Variants in SBF2 observed in about 807,000 individuals in gnomAD.
The protein encoded by SBF2 is myotubularin-related protein 13.
In SBF2, 112 loss-of-function variants were observed where a neutral mutation model predicts 225.2. That is an observed-to-expected ratio of 0.50 (90% confidence interval 0.43 to 0.58). SBF2 has a LOEUF of 0.58. Among genes scored for constraint, SBF2 ranks in the 20% least tolerant of loss-of-function variants. The pLI, the probability that SBF2 is intolerant of heterozygous loss-of-function variation, is 0.00. For missense variants in SBF2, 1,996 were observed against 2,206.2 expected (o/e 0.90, Z 1.91); for synonymous variants, 763 against 773.3 (o/e 0.99, Z 0.22).
rs10500716 is a variant in SBF2, at chr11:10,002,764, A to G, written c.620-75T>C. The G allele has an allele frequency of 0.19, 276,400 of 1,418,034 alleles. 28,331 individuals are homozygous for G. The highest frequency in any genetic ancestry group is 0.29 in the East Asian group (12,710 of 43,740). The allele number at this position is 1,418,034 out of a possible 1,614,324, so 87.8% of individuals were successfully genotyped here. A position where few individuals can be genotyped will look rare whatever the true frequency, so the allele number is the denominator to read the frequency against. ...TTGTCAACAATCATAGACAGTATAC[A>G]CGGAAAGAAAAAGCCAGTAATTTTG... On this transcript the variant is annotated intron_variant, in intron 6 of 39. Transcript: ENST00000256190.
At position 9,816,945 on chromosome 11, in the gene SBF2, T is replaced by C; in HGVS notation, c.3873A>G (p.Ala1291=). 6.2e-7 allele frequency: 1 copy of C among 1,614,174 alleles called. No homozygotes were observed. The highest frequency in any genetic ancestry group is 1.3e-5 in the African/African-American group (1 of 75,042). ...TSFIDVGARL[A]GKDHSASFSN... ...TGAAGGAGGCCGAGTGATCCTTGCC[T>C]GCCAGCCGGGCGCCAACATCAATGA... The change falls in exon 29 of 40, where the codon GCA becomes GCG. Residue 1291 remains alanine, a synonymous_variant. Coordinates refer to ENST00000256190, the MANE Select transcript of SBF2 (RefSeq NM_030962.4).
chr11:10,016,179 T>TA (rs1948645290), intron 6 of SBF2, among the ~76,000 whole-genome samples: 2 of 152,176 alleles, frequency 1.3e-5, no homozygotes, highest in African/African-American at 2.4e-5. Context: ...CAGTATCATT[T>TA]AGTATCAGAT....
intron 2 of SBF2, among the ~76,000 whole-genome samples, chr11:10,045,980 T>G (rs1049031567): frequency 2.6e-5 from 4 of 151,746 alleles, no homozygotes. Flanking sequence ...AAAAGAAAAA[T>G]AACAATACAA....
At chr11:10,136,823 T>A (rs1954380141) in intron 2 of SBF2, among the ~76,000 whole-genome samples, 2 of 152,256 alleles carry the variant, frequency 1.3e-5, no homozygotes, top group South Asian at 4.1e-4. Flanking sequence ...CTGTTTTTCT[T>A]TTATTATCTT....
intron 2 of SBF2, among the ~76,000 whole-genome samples, chr11:10,062,367 G>A (rs1479751059): frequency 3.3e-5 from 5 of 152,080 alleles, no homozygotes; most frequent in South Asian, 2.1e-4. Context: ...AGGAACTTCC[G>A]CACAGCAAAA....
At position 9,952,771 on chromosome 11, in the gene SBF2, C is replaced by A. The variant is rs1040741978; in HGVS notation, c.1860+9186G>T. Among the ~76,000 whole-genome samples the A allele has an allele frequency of 2.0e-5, 3 of 152,164 alleles. No homozygotes were observed. In the East Asian group the frequency reaches 5.8e-4, roughly 29 times the overall value. ...CAACCACATTTCTACACTATACTCA[C>A]TAATATGGAAATATTCCTCAGTTTT... On this transcript the variant is annotated intron_variant, in intron 16 of 39. Coordinates refer to ENST00000256190, the MANE Select transcript of SBF2 (RefSeq NM_030962.4).
At chr11:10,175,464 A>G (rs199961969) in intron 2 of SBF2, among the ~76,000 whole-genome samples, 13,722 of 150,376 alleles carry the variant, frequency 0.091, 793 homozygotes, top group East Asian at 0.27. Flanking sequence ...AGAGCTAACT[A>G]TCCTAAATAT....
chr11:10,004,411 A>G (rs1948097925), intron 6 of SBF2, among the ~76,000 whole-genome samples: 1 of 151,952 alleles, frequency 6.6e-6, no homozygotes, highest in South Asian at 2.1e-4. Flanking sequence ...TCTCCCAAGT[A>G]TAATATTGAG....
chr11:9,953,190 A>G (rs1865960680), intron 16 of SBF2, among the ~76,000 whole-genome samples: 1 of 152,246 alleles, frequency 6.6e-6, no homozygotes, highest in African/African-American at 2.4e-5. Flanking sequence ...TTATGCCTGT[A>G]ATCCCAGCAC....
intron 1 of SBF2, among the ~76,000 whole-genome samples, chr11:10,196,857 TATA>T (rs1473210424): frequency 7.6e-4 from 25 of 33,048 alleles, no homozygotes; most frequent in African/African-American, 1.2e-3. Context: ...TATATATATA[TATA>T]TATATATTTT....
At chr11:10,190,823 A>C (rs1236926243) in intron 2 of SBF2, among the ~76,000 whole-genome samples, 2 of 152,172 alleles carry the variant, frequency 1.3e-5, no homozygotes, top group Non-Finnish European at 2.9e-5. Flanking sequence ...AGTTCTTCCA[A>C]ATCACAGAAT....
At chr11:9,967,911 A>ATCTGTCTGTCTGTCTG (rs1201842155) in intron 14 of SBF2, among the ~76,000 whole-genome samples, 1 of 139,718 alleles carries the variant, frequency 7.2e-6, no homozygotes, top group African/African-American at 2.7e-5. Flanking sequence ...GTGAAACTCA[A>ATCTGTCTGTCTGTCTG]TCTGTCTGTC....
chr11:9,870,829 C>T (rs1590277898), intron 17 of SBF2, among the ~76,000 whole-genome samples: 1 of 152,044 alleles, frequency 6.6e-6, no homozygotes, highest in Non-Finnish European at 1.5e-5. Flanking sequence ...CAAAAATTAG[C>T]TGGGTGTGGT....
intron 2 of SBF2, among the ~76,000 whole-genome samples, chr11:10,176,677 G>T (rs1266898954): frequency 6.6e-6 from 1 of 152,078 alleles, no homozygotes; most frequent in Non-Finnish European, 1.5e-5. Flanking sequence ...AATAACAGGA[G>T]CTGAAACTGT....
chr11:9,805,535 G>T (rs952928500), intron 32 of SBF2, among the ~76,000 whole-genome samples: 10 of 152,120 alleles, frequency 6.6e-5, no homozygotes, highest in Admixed American at 3.3e-4. Flanking sequence ...TTGTTTGTTT[G>T]CTTTGAAGAC....
intron 2 of SBF2, among the ~76,000 whole-genome samples, chr11:10,177,320 T>C (rs745326439): frequency 0.014 from 2,062 of 146,666 alleles, 44 homozygotes; most frequent in Non-Finnish European, 0.021. Flanking sequence ...CTATTCAACA[T>C]AGTGTTGGAA....
chr11:9,786,652 G>C (rs1852390938), intron 36 of SBF2, among the ~76,000 whole-genome samples: 1 of 152,072 alleles, frequency 6.6e-6, no homozygotes, highest in Non-Finnish European at 1.5e-5. Context: ...GTTGCATTTG[G>C]AGCCAGTCTG....
intron 16 of SBF2, among the ~76,000 whole-genome samples, chr11:9,926,841 T>C (rs1039095682): frequency 6.6e-6 from 1 of 151,758 alleles, no homozygotes; most frequent in Non-Finnish European, 1.5e-5. Flanking sequence ...CTTAAGAAAA[T>C]GGACAAAGAG....
intron 1 of SBF2, among the ~76,000 whole-genome samples, chr11:10,265,019 G>T (rs988426480): frequency 6.6e-6 from 1 of 152,078 alleles, no homozygotes; most frequent in Non-Finnish European, 1.5e-5. Flanking sequence ...CTTTGCTATT[G>T]TGAGTAGTGT....
Sources: gnomAD v4.1 joint callset for allele counts (sites outside exome capture counted in the v4.1 genomes callset) on GRCh38, gnomAD v4.1.1 for gene constraint, MANE v1.5 for transcripts, NCBI Gene and HGNC (gene_info 2026-07-23, HGNC 2026-07-21) for gene names.